The following NLRP5 variants were observed in gnomAD, a reference collection of about 807,000 sequenced individuals.
The protein encoded by NLRP5 is NLR family pyrin domain containing 5.
In NLRP5, 93 loss-of-function variants were observed where a neutral mutation model predicts 113.1. The observed-to-expected ratio is 0.82, with a 90% CI of 0.70 to 0.98. The LOEUF (loss-of-function observed/expected upper bound fraction) is 0.98. Ranked by LOEUF, NLRP5 falls within the 50% of genes least tolerant of loss-of-function variation. NLRP5 has a pLI of 0.00. For synonymous variants in NLRP5, 751 were observed against 600.7 expected, an observed-to-expected ratio of 1.25 and a Z score of -3.66; for missense variants, 1,808 against 1,514.3, an observed-to-expected ratio of 1.19 and a Z score of -3.22.
chr19:56,053,854 G>A, intron 13 of NLRP5, 46 bp downstream of exon 13: 1 of 1,583,752 alleles, frequency 6.3e-7, no homozygotes, highest in Non-Finnish European at 8.6e-7. Flanking sequence ...GGGAGGAGGT[G>A]GGGGACCCCA....
At chr19:55,988,438 G>GTATATATATATA in the NLRP5 span, 808 of 91,542 alleles carry the variant, frequency 8.8e-3, 7 homozygotes, top group Non-Finnish European at 0.011. Context: ...ATATATATGT[G>GTATATATATATA]TGTGTGTATA....
intron 6 of NLRP5, among the ~76,000 whole-genome samples, chr19:56,021,217 T>C (rs306445): frequency 0.19 from 29,522 of 152,064 alleles, 3,064 homozygotes; most frequent in Non-Finnish European, 0.24. Context: ...CTAAACCTTA[T>C]GGAATGAAGA....
chr19:56,014,735 G>A (rs981787555), intron 3 of NLRP5, among the ~76,000 whole-genome samples: 1 of 152,054 alleles, frequency 6.6e-6, no homozygotes, highest in Non-Finnish European at 1.5e-5. Flanking sequence ...AGATGTATGG[G>A]ATTATTTTTA....
Position 56,004,067 on chromosome 19 carries a change from C to T in NLRP5, c.414C>T (p.Leu138=), listed in dbSNP as rs779483165. Residue 138 remains leucine, a synonymous_variant, in exon 2 of 15, where the codon CTC becomes CTT. Transcript: ENST00000390649. ...TTGAAAACATGAACCTGCGAACCCT[C>T]TCGGAGAAGGCACGGGATGACATGA... 24 of 1,611,482 alleles carry T rather than the reference C, an allele frequency of 1.5e-5. No individual in the cohort carries two copies. The highest frequency in any genetic ancestry group is 1.8e-5 in the Non-Finnish European group (21 of 1,178,442).
At chr19:56,008,747 G>T in intron 2 of NLRP5, 41 bp from the exon 3 acceptor site, 1 of 1,548,136 alleles carries the variant, frequency 6.5e-7, no homozygotes, top group South Asian at 1.2e-5. Flanking sequence ...TAATTACAGT[G>T]ACTTCATTGA....
chr19:56,047,215 A>ATT (rs1013954345), intron 11 of NLRP5, among the ~76,000 whole-genome samples: 1 of 151,596 alleles, frequency 6.6e-6, no homozygotes, highest in Non-Finnish European at 1.5e-5. Context: ...TATCTTTTGT[A>ATT]TTTTTTTGTT....
chr19:56,033,967 G>T (rs971350481), intron 9 of NLRP5, among the ~76,000 whole-genome samples: 2 of 152,192 alleles, frequency 1.3e-5, no homozygotes, highest in South Asian at 4.1e-4. Context: ...GCAAGGTCTC[G>T]TTTGGTTGCT....
chr19:56,007,904 CGTGTGTGTGTGTGTGTGTGT>C (rs57588214), intron 2 of NLRP5, among the ~76,000 whole-genome samples: 1 of 110,072 alleles, frequency 9.1e-6, no homozygotes, highest in Non-Finnish European at 2.0e-5. Context: ...TGCGCGCGTG[CGTGTGTGTGTGTGTGTGTGT>C]GTGTGTGTGT....
chr19:56,046,934 G>A (rs1983750266), intron 11 of NLRP5, among the ~76,000 whole-genome samples: 1 of 152,176 alleles, frequency 6.6e-6, no homozygotes, highest in Non-Finnish European at 1.5e-5. Flanking sequence ...GCTTGTTACT[G>A]GTCTGTTCAG....
At chr19:56,056,688 C>T (rs1221583667) in intron 13 of NLRP5, among the ~76,000 whole-genome samples, 4 of 152,208 alleles carry the variant, frequency 2.6e-5, no homozygotes, top group African/African-American at 9.6e-5. Flanking sequence ...CTCTCCCTTG[C>T]CTCTATCCTC....
chr19:55,990,697 C>T, the NLRP5 span, among the ~76,000 whole-genome samples: 64 of 152,028 alleles, frequency 4.2e-4, 1 homozygote, highest in African/African-American at 1.3e-3. Flanking sequence ...TGGTGGTGGG[C>T]GCCTGTAGTC....
chr19:55,992,240 G>A, the NLRP5 span, among the ~76,000 whole-genome samples: 5 of 152,240 alleles, frequency 3.3e-5, 1 homozygote, highest in South Asian at 8.3e-4. Context: ...TGGTGTACGT[G>A]TACCACATTT....
chr19:56,035,605 C>T (rs1271635813), intron 9 of NLRP5, among the ~76,000 whole-genome samples: 1 of 152,232 alleles, frequency 6.6e-6, no homozygotes, highest in East Asian at 1.9e-4. Flanking sequence ...CACTTAGGTC[C>T]AGTTTCCTGG....
chr19:56,010,568 C>A (rs1419962994), intron 3 of NLRP5, among the ~76,000 whole-genome samples: 10 of 148,120 alleles, frequency 6.8e-5, no homozygotes, highest in African/African-American at 2.5e-4. Context: ...AACATGGAGA[C>A]ACCCCATGTC....
intron 14 of NLRP5, among the ~76,000 whole-genome samples, chr19:56,058,857 G>A (rs953923705): frequency 1.3e-5 from 2 of 152,198 alleles, no homozygotes; most frequent in Admixed American, 6.5e-5. Context: ...GCAGAATGTG[G>A]TGTATACCAA....
chr19:56,039,955 A>T (rs1983458414), intron 10 of NLRP5, among the ~76,000 whole-genome samples: 1 of 152,014 alleles, frequency 6.6e-6, no homozygotes, highest in Non-Finnish European at 1.5e-5. Context: ...AAGGGTCATG[A>T]TGTGTTAGAT....
At chr19:56,033,799 G>A in intron 9 of NLRP5, 90 bp downstream of exon 9, 3 of 1,183,874 alleles carry the variant, frequency 2.5e-6, no homozygotes, top group Admixed American at 2.3e-5. Flanking sequence ...TTAAAGAGCT[G>A]CAAAGATGGA....
chr19:56,010,242 T>A (rs998908120), intron 3 of NLRP5, among the ~76,000 whole-genome samples: 1 of 152,164 alleles, frequency 6.6e-6, no homozygotes, highest in Non-Finnish European at 1.5e-5. Flanking sequence ...TCGTTAGTCA[T>A]GCAGCGAGAC....
intron 14 of NLRP5, among the ~76,000 whole-genome samples, chr19:56,061,035 A>T (rs1336063328): frequency 6.6e-6 from 1 of 152,192 alleles, no homozygotes; most frequent in Non-Finnish European, 1.5e-5. Flanking sequence ...TTCATGCTAC[A>T]TCATGGGTTG....
Sources: allele counts gnomAD v4.1 joint callset (sites outside exome capture counted in the v4.1 genomes callset), GRCh38; gene constraint gnomAD v4.1.1; transcripts MANE v1.5; gene names NCBI Gene and HGNC (gene_info 2026-07-23, HGNC 2026-07-21).